The following ZDHHC21 variants were observed in gnomAD, a reference collection of about 807,000 sequenced individuals.
ZDHHC21 encodes zDHHC palmitoyltransferase 21.
ZDHHC21 carries 15 observed loss-of-function variants against 34.6 expected under a neutral mutation model. That is an observed-to-expected ratio of 0.43 (90% CI 0.29 to 0.67). ZDHHC21 has a LOEUF of 0.67. ZDHHC21 is among the 30% of genes least tolerant of loss of function. The pLI, the probability that ZDHHC21 is intolerant of heterozygous loss-of-function variation, is 0.14. For missense variants in ZDHHC21, 344 were observed against 327.7 expected (o/e 1.05, Z -0.38); for synonymous variants, 142 against 101.8 (o/e 1.40, Z -2.38).
intron 7 of ZDHHC21, among the ~76,000 whole-genome samples, chr9:14,655,022 C>A (rs561326665): frequency 6.6e-6 from 1 of 151,898 alleles, no homozygotes; most frequent in Non-Finnish European, 1.5e-5. Flanking sequence ...AACTCTCCAA[C>A]AGAAAAAAGT....
chr9:14,662,107 G>C (rs908387701), intron 6 of ZDHHC21, 108 bp downstream of exon 6: 18 of 651,006 alleles, frequency 2.8e-5, no homozygotes, highest in Admixed American at 7.4e-5. Context: ...TTAAGATATT[G>C]TAAAACTATA....
intron 3 of ZDHHC21, among the ~76,000 whole-genome samples, chr9:14,675,502 C>A (rs1440207904): frequency 6.6e-6 from 1 of 151,850 alleles, no homozygotes; most frequent in Admixed American, 6.6e-5. Flanking sequence ...CTGCAAGAGT[C>A]TGAAAACAGC....
intron 5 of ZDHHC21, 21 bp downstream of exon 5, chr9:14,672,809 G>C (rs1229538930): frequency 6.5e-7 from 1 of 1,543,676 alleles, no homozygotes; most frequent in East Asian, 2.2e-5. Context: ...CAGCAAAACT[G>C]ATAAATCCAG....
At chr9:14,657,404 A>T (rs1454185307) in intron 7 of ZDHHC21, among the ~76,000 whole-genome samples, 1 of 152,142 alleles carries the variant, frequency 6.6e-6, no homozygotes, top group Non-Finnish European at 1.5e-5. Context: ...AGAGAGGTTA[A>T]ACAATGTGTC....
At chr9:14,606,088 A>G (rs1823007434), downstream of ZDHHC21, among the ~76,000 whole-genome samples, 1 of 152,204 alleles carries the variant, frequency 6.6e-6, no homozygotes, top group Non-Finnish European at 1.5e-5. Context: ...GTCATAATAA[A>G]AAGTACTAAA....
intron 8 of ZDHHC21, among the ~76,000 whole-genome samples, chr9:14,639,259 A>T (rs1430855685): frequency 6.6e-6 from 1 of 152,160 alleles, no homozygotes; most frequent in African/African-American, 2.4e-5. Flanking sequence ...AACCAGGCAC[A>T]GAAAGACAAA....
At chr9:14,632,899 A>G (rs1253151415) in intron 8 of ZDHHC21, among the ~76,000 whole-genome samples, 1 of 152,168 alleles carries the variant, frequency 6.6e-6, no homozygotes, top group Non-Finnish European at 1.5e-5. Flanking sequence ...ACCGTTTTTT[A>G]AAAGACAGGT....
At position 14,619,092 on chromosome 9, in the gene ZDHHC21, C is replaced by G. The variant is rs779295356; in HGVS notation, c.672G>C (p.Arg224Ser). Reference protein sequence around the residue: ...KMSNCCEDISRPRKPWQQTFS... With the variant: ...KMSNCCEDISSPRKPWQQTFS... Reference sequence around the variant, plus strand: ...AGGTCTGCTGCCATGGCTTTCGGGGCCTCGATCTACAGAAGACAGCATTAT... The same window carrying G: ...AGGTCTGCTGCCATGGCTTTCGGGGGCTCGATCTACAGAAGACAGCATTAT... Residue 224 changes from arginine (R) to serine (S), a missense_variant, in exon 10 of 10, where the codon AGG becomes AGC. Arg to Ser is a moderately radical substitution (Grantham distance 110). Transcript: ENST00000380916. The G allele has an allele frequency of 8.1e-6, 13 of 1,607,232 alleles. No homozygotes were observed. Among genetic ancestry groups the G allele is most frequent in the Non-Finnish European group, 1.1e-5 (13 of 1,176,918 alleles).
Position 14,658,887 on chromosome 9 carries a change from C to A in ZDHHC21, c.366G>T (p.Trp122Cys), listed in dbSNP as rs375481310. The change falls in exon 7 of 10, where the codon TGG (tryptophan) becomes TGT (cysteine). Residue 122 changes from tryptophan to cysteine, a missense_variant and splice_region_variant. By Grantham distance (215) the Trp-to-Cys change is radical (BLOSUM62 -2). Transcript: ENST00000380916. ...CVRRMDHHCP[W>C]INNCVGEDNH... is the part of the protein sequence containing the mutation. ...TATCTTCACCAACACAATTGTTAATCCTAAAGAAAAAAAATGAAAAAGAAA... is the reference window on the plus strand; with the variant it reads ...TATCTTCACCAACACAATTGTTAATACTAAAGAAAAAAAATGAAAAAGAAA... 4 of 1,596,024 alleles carry A rather than the reference C, an allele frequency of 2.5e-6. No individual in the cohort carries two copies. Among genetic ancestry groups the A allele is most frequent in the Non-Finnish European group, 3.4e-6 (4 of 1,174,450 alleles).
At chr9:14,677,932 G>C (rs1463961025) in intron 3 of ZDHHC21, among the ~76,000 whole-genome samples, 1 of 152,078 alleles carries the variant, frequency 6.6e-6, no homozygotes, top group Non-Finnish European at 1.5e-5. Context: ...AAAGCATAAA[G>C]ATTAGCCAAA....
In ZDHHC21 at chr9:14,617,890, G is replaced by A. The variant is rs2133407418; in HGVS notation, c.*1076C>T. On this transcript the variant is annotated 3_prime_UTR_variant, in exon 10 of 10. Coordinates refer to ENST00000380916, the MANE Select transcript of ZDHHC21 (RefSeq NM_178566.6). ...AATTTAGGGATTATAGGTACACAAA[G>A]TTAGTGACTTTTTTTAGTAGTAGCT... 1 of 152,002 alleles carries A rather than the reference G, an allele frequency of 6.6e-6. No individual in the cohort carries two copies. Among genetic ancestry groups the A allele is most frequent in the South Asian group, 2.1e-4 (1 of 4,818 alleles). 9.4% of individuals were successfully genotyped at this position (152,002 alleles called of 1,614,324 possible).
chr9:14,610,339 G>A (rs1005137188), downstream of ZDHHC21, among the ~76,000 whole-genome samples: 5 of 151,854 alleles, frequency 3.3e-5, no homozygotes, highest in African/African-American at 1.2e-4. Context: ...AAATAAACAA[G>A]ATTAAAGATT....
chr9:14,649,770 G>A (rs1359655990), intron 7 of ZDHHC21, among the ~76,000 whole-genome samples: 1 of 152,056 alleles, frequency 6.6e-6, no homozygotes, highest in African/African-American at 2.4e-5. Context: ...ATGGCTGAGG[G>A]TGAAGTATTC....
At chr9:14,595,081 T>C in the ZDHHC21 span, among the ~76,000 whole-genome samples, 1 of 152,190 alleles carries the variant, frequency 6.6e-6, no homozygotes. Context: ...AGGTAAAATG[T>C]GACATACACT....
chr9:14,683,259 A>T (rs1449792232), intron 2 of ZDHHC21, among the ~76,000 whole-genome samples: 2 of 151,636 alleles, frequency 1.3e-5, no homozygotes, highest in African/African-American at 2.4e-5. Context: ...CTGGTTTTTT[A>T]TTTTTTATTT....
chr9:14,691,928 T>C (rs1376004410), intron 1 of ZDHHC21, among the ~76,000 whole-genome samples: 1 of 152,220 alleles, frequency 6.6e-6, no homozygotes, highest in South Asian at 2.1e-4. Context: ...AAGCCTTAAA[T>C]AATTTAGTCT....
At chr9:14,675,123 T>C (rs1242259292) in intron 3 of ZDHHC21, among the ~76,000 whole-genome samples, 1 of 152,010 alleles carries the variant, frequency 6.6e-6, no homozygotes, top group Non-Finnish European at 1.5e-5. Flanking sequence ...AGAAGACTCC[T>C]GTTTAAATGA....
intron 3 of ZDHHC21, 135 bp from the exon 4 acceptor site, chr9:14,674,520 T>G (rs945214571): frequency 4.0e-6 from 2 of 502,692 alleles, no homozygotes; most frequent in Non-Finnish European, 6.8e-6. Context: ...GTTGATATAT[T>G]TATTGATATT....
At chr9:14,674,801 C>G (rs925198089) in intron 3 of ZDHHC21, among the ~76,000 whole-genome samples, 1 of 151,880 alleles carries the variant, frequency 6.6e-6, no homozygotes, top group Non-Finnish European at 1.5e-5. Flanking sequence ...ACTGATGGGT[C>G]ACACAAGTCA....
Sources: allele counts gnomAD v4.1 joint callset (sites outside exome capture counted in the v4.1 genomes callset), GRCh38; gene constraint gnomAD v4.1.1; transcripts MANE v1.5; gene names NCBI Gene and HGNC (gene_info 2026-07-23, HGNC 2026-07-21).